SORCS2: variants seen among roughly 807,000 people sequenced by gnomAD.
SORCS2 encodes sortilin related VPS10 domain containing receptor 2, also known as VPS10 domain-containing receptor SorCS2.
A neutral mutation model predicts 141.6 loss-of-function variants in SORCS2; 100 were observed. The ratio of observed to expected loss-of-function variants is 0.71; its 90% CI spans 0.60 to 0.83. SORCS2 has a LOEUF of 0.83. Ranked by LOEUF, SORCS2 falls within the 40% of genes least tolerant of loss-of-function variation. SORCS2 has a pLI of 0.00. For synonymous variants in SORCS2, 789 were observed against 676.9 expected (o/e 1.17, Z -2.57); for missense variants, 1,646 against 1,560.2 (o/e 1.05, Z -0.93).
chr4:7,460,496 C>T (rs1729230521), intron 2 of SORCS2, among the ~76,000 whole-genome samples: 1 of 152,220 alleles, frequency 6.6e-6, no homozygotes, highest in Non-Finnish European at 1.5e-5. Flanking sequence ...CACAGCTTTC[C>T]CAAGCCCACC....
At chr4:7,592,678 C>T (rs544841645) in intron 3 of SORCS2, among the ~76,000 whole-genome samples, 65 of 152,322 alleles carry the variant, frequency 4.3e-4, no homozygotes, top group African/African-American at 1.5e-3. Flanking sequence ...AGGGCTGTGC[C>T]AACCCACTAT....
At chr4:7,496,439 C>CCG (rs1560332305) in intron 2 of SORCS2, among the ~76,000 whole-genome samples, 1 of 78,170 alleles carries the variant, frequency 1.3e-5, no homozygotes, top group Non-Finnish European at 2.4e-5. Context: ...CCCCCCCCCC[C>CCG]ACTCCCCACC....
intron 3 of SORCS2, among the ~76,000 whole-genome samples, chr4:7,542,724 G>A (rs1306271952): frequency 2.0e-5 from 3 of 152,176 alleles, no homozygotes; most frequent in Non-Finnish European, 4.4e-5. Context: ...GAATGGAGTC[G>A]CTCACGTGAT....
chr4:7,621,094 C>G (rs934585435), intron 3 of SORCS2, among the ~76,000 whole-genome samples: 1 of 152,186 alleles, frequency 6.6e-6, no homozygotes, highest in African/African-American at 2.4e-5. Flanking sequence ...CCCAGGGCCT[C>G]TTGACCTCAG....
chr4:7,517,406 T>G (rs919660819), intron 2 of SORCS2, among the ~76,000 whole-genome samples: 1 of 152,204 alleles, frequency 6.6e-6, no homozygotes, highest in Non-Finnish European at 1.5e-5. Context: ...TGTTTTAAAG[T>G]AGAATTCCCT....
At chr4:7,388,077 CACACACACAT>C (rs1436799595) in intron 1 of SORCS2, among the ~76,000 whole-genome samples, 1 of 59,512 alleles carries the variant, frequency 1.7e-5, no homozygotes, top group Non-Finnish European at 3.2e-5. Context: ...CACAGAGATA[CACACACACAT>C]GCACACACAT....
rs1712036595 is a variant in SORCS2, at chr4:7,233,328, G to A, written c.480+40202G>A. On this transcript the variant is annotated intron_variant, in intron 1 of 26. Coordinates refer to ENST00000507866, the MANE Select transcript of SORCS2 (RefSeq NM_020777.3). The surrounding 1 kb of genome is among the most constrained non-coding windows in gnomAD (Gnocchi z 4.5). ...CGGTGGGGACAGGAGCACATCCAGG[G>A]TGTCATCATGATGACGTCTCCTGGC... is the stretch of plus-strand genomic sequence containing the variant. Among the ~76,000 whole-genome samples, 2 of 152,166 alleles carry A rather than the reference G, an allele frequency of 1.3e-5. No homozygotes were observed. Among genetic ancestry groups the A allele is most frequent in the African/African-American group, 4.8e-5 (2 of 41,436 alleles).
Position 7,192,573 on chromosome 4 carries a change from C to A in SORCS2, c.-74C>A. ...CGCTCTCGCTCGCGCTCCCCAGCGC[C>A]CTCCTGCTCTCCCGGCCGCGGTCCC... On this transcript the variant is annotated 5_prime_UTR_variant, in exon 1 of 27. Transcript: ENST00000507866. The surrounding 1 kb of genome is among the most constrained non-coding windows in gnomAD (Gnocchi z 4.0). 1 of 983,818 alleles carries A rather than the reference C, an allele frequency of 1.0e-6. No homozygotes were observed. Among genetic ancestry groups the A allele is most frequent in the South Asian group, 4.5e-5 (1 of 22,002 alleles). The allele number at this position is 983,818 out of a possible 1,614,324, so 60.9% of individuals were successfully genotyped here. A position where few individuals can be genotyped will look rare whatever the true frequency, so the allele number is the denominator to read the frequency against.
chr4:7,432,931 C>G (rs967891816), intron 2 of SORCS2: 2 of 167,316 alleles, frequency 1.2e-5, no homozygotes, highest in African/African-American at 4.8e-5. Context: ...CCTCCGCTCA[C>G]CCCGGCCATG....
chr4:7,469,727 G>A (rs1190064852), intron 2 of SORCS2, among the ~76,000 whole-genome samples: 2 of 152,184 alleles, frequency 1.3e-5, no homozygotes. Context: ...TCCTGTGTCT[G>A]CTTAAAAAGC....
intron 1 of SORCS2, among the ~76,000 whole-genome samples, chr4:7,276,417 C>T (rs1051981594): frequency 1.3e-5 from 2 of 152,290 alleles, no homozygotes; most frequent in South Asian, 2.1e-4. Context: ...CGTCCTTCCA[C>T]TCGCTGGAAC....
intron 1 of SORCS2, among the ~76,000 whole-genome samples, chr4:7,240,476 A>G (rs1432530609): frequency 1.3e-5 from 2 of 152,148 alleles, no homozygotes; most frequent in Admixed American, 6.5e-5. Context: ...GGCTGGAGTG[A>G]TGATAATTAG....
intron 1 of SORCS2, among the ~76,000 whole-genome samples, chr4:7,271,585 G>A (rs558817688): frequency 1.3e-5 from 2 of 152,252 alleles, no homozygotes; most frequent in Admixed American, 6.5e-5. Context: ...ATTTCCCTCC[G>A]GGACACGTGT....
rs116484841 is a variant in SORCS2, at chr4:7,614,248, G to A, written c.649-24080G>A. On this transcript the variant is annotated intron_variant, in intron 3 of 26. Coordinates refer to ENST00000507866, the MANE Select transcript of SORCS2 (RefSeq NM_020777.3). ...CCATTCCCCCATAATCCACCTATCC[G>A]TCCACCCATCCACTCATCCATCCAC... Among the ~76,000 whole-genome samples, 1,334 of 134,264 alleles carry A rather than the reference G, an allele frequency of 9.9e-3. 10 individuals are homozygous for A. Among genetic ancestry groups the A allele is most frequent in the Middle Eastern group, 0.041 (7 of 172 alleles). The allele number at this position is 134,264 out of a possible 152,430, so 88.1% of individuals were successfully genotyped here.
intron 3 of SORCS2, among the ~76,000 whole-genome samples, chr4:7,547,089 C>T (rs970342478): frequency 6.6e-6 from 1 of 152,110 alleles, no homozygotes; most frequent in Non-Finnish European, 1.5e-5. Context: ...TCCACTCATC[C>T]CCAGGCTCTT....
At chr4:7,197,790 T>C (rs956512599) in intron 1 of SORCS2, among the ~76,000 whole-genome samples, 2 of 152,152 alleles carry the variant, frequency 1.3e-5, no homozygotes, top group Non-Finnish European at 2.9e-5. Flanking sequence ...TGACGAGTGG[T>C]GGACATTGCA....
chr4:7,230,991 T>A (rs1449677024), intron 1 of SORCS2, among the ~76,000 whole-genome samples: 2 of 147,078 alleles, frequency 1.4e-5, no homozygotes, highest in African/African-American at 5.0e-5. Context: ...TAGATCTCTA[T>A]CTGTATCTAT....
intron 3 of SORCS2, among the ~76,000 whole-genome samples, chr4:7,542,873 G>A (rs1712791949): frequency 6.6e-6 from 1 of 152,218 alleles, no homozygotes; most frequent in South Asian, 2.1e-4. Flanking sequence ...TGCCTCTTAC[G>A]CTCCACCCAC....
chr4:7,664,348 T>A lies in SORCS2; in HGVS notation c.953-5T>A, dbSNP rs1296019198. 2 of 1,612,378 alleles carry A rather than the reference T, an allele frequency of 1.2e-6. No homozygotes were observed. The highest frequency in any genetic ancestry group is 2.7e-5 in the African/African-American group (2 of 74,888). ...ACCGCCTGGGTCGGCGCCTCTCTCC[T>A]GTAGATTTTCGGTACGTCACCTGCG... On this transcript the variant is annotated splice_region_variant and splice_polypyrimidine_tract_variant and intron_variant, in intron 6 of 26. Transcript: ENST00000507866. The surrounding 1 kb of genome is among the most constrained non-coding windows in gnomAD (Gnocchi z 4.7).
Sources: gnomAD v4.1 joint callset for allele counts (sites outside exome capture counted in the v4.1 genomes callset) on GRCh38, gnomAD v4.1.1 for gene constraint, Gnocchi (gnomAD v3.1) non-coding constraint, MANE v1.5 for transcripts, NCBI Gene and HGNC (gene_info 2026-07-23, HGNC 2026-07-21) for gene names.